Variants in PLEKHM3 observed in about 807,000 individuals in gnomAD.
PLEKHM3 encodes the protein pleckstrin homology domain-containing family M member 3.
PLEKHM3 carries 45 observed loss-of-function variants against 81.8 expected under a neutral mutation model. The observed-to-expected ratio is 0.55, with a 90% CI of 0.43 to 0.71. The LOEUF (loss-of-function observed/expected upper bound fraction) is 0.71, where lower values mean the gene tolerates loss of function less well. PLEKHM3 is among the 30% of genes least tolerant of loss of function. The pLI, the probability that PLEKHM3 is intolerant of heterozygous loss-of-function variation, is 0.00. For synonymous variants in PLEKHM3, 352 were observed against 356.4 expected (o/e 0.99, Z 0.14); for missense variants, 788 against 924.3 (o/e 0.85, Z 1.91).
intron 7 of PLEKHM3, among the ~76,000 whole-genome samples, chr2:207,853,747 G>A (rs1430433072): frequency 2.6e-5 from 4 of 151,798 alleles, no homozygotes; most frequent in African/African-American, 7.3e-5. Flanking sequence ...AAACAAACAA[G>A]TACAAATTGT....
At chr2:207,944,398 T>C (rs1690051524) in intron 4 of PLEKHM3, among the ~76,000 whole-genome samples, 1 of 152,160 alleles carries the variant, frequency 6.6e-6, no homozygotes, top group South Asian at 2.1e-4. Context: ...GAGAAGACCA[T>C]GAATACAGGC....
chr2:207,962,121 G>T (rs954434122), intron 3 of PLEKHM3, among the ~76,000 whole-genome samples: 5 of 152,146 alleles, frequency 3.3e-5, no homozygotes. Context: ...GAGTCATAGT[G>T]GGCCACTAAA....
chr2:208,024,037 G>A (rs1438156958), intron 1 of PLEKHM3, among the ~76,000 whole-genome samples: 1 of 151,956 alleles, frequency 6.6e-6, no homozygotes, highest in African/African-American at 2.4e-5. Flanking sequence ...CAGCCACAAG[G>A]GAGGCTGAGG....
intron 2 of PLEKHM3, among the ~76,000 whole-genome samples, chr2:207,983,994 A>G (rs1691631005): frequency 6.6e-6 from 1 of 152,190 alleles, no homozygotes; most frequent in African/African-American, 2.4e-5. Flanking sequence ...CACTCTTCAC[A>G]GGTTTCTGGG....
chr2:207,858,180 A>ATATATATATATATATT (rs751293954), intron 7 of PLEKHM3, among the ~76,000 whole-genome samples: 3 of 103,844 alleles, frequency 2.9e-5, no homozygotes, highest in African/African-American at 1.1e-4. Flanking sequence ...GTGTGTATAT[A>ATATATATATATATATT]TTTTTTTTTT....
At chr2:208,014,978 T>C (rs939886806) in intron 1 of PLEKHM3, among the ~76,000 whole-genome samples, 1 of 152,260 alleles carries the variant, frequency 6.6e-6, no homozygotes, top group Non-Finnish European at 1.5e-5. Context: ...GGTAGAATGA[T>C]ATATTTGATA....
intron 7 of PLEKHM3, among the ~76,000 whole-genome samples, chr2:207,860,408 C>A (rs2092461602): frequency 6.6e-6 from 1 of 152,014 alleles, no homozygotes; most frequent in Non-Finnish European, 1.5e-5. Context: ...TATAAGTGAG[C>A]CCTGCAGGGT....
Position 207,925,154 on chromosome 2 carries a change from T to G in PLEKHM3, c.1886+5772A>C, listed in dbSNP as rs553827477. Among the ~76,000 whole-genome samples, 19 of 151,684 alleles carry G rather than the reference T, an allele frequency of 1.3e-4. 1 individual carries two copies. The highest frequency in any genetic ancestry group is 7.1e-3 in the Middle Eastern group (2 of 280). On this transcript the variant is annotated intron_variant, in intron 5 of 7. Coordinates refer to ENST00000427836, the MANE Select transcript of PLEKHM3 (RefSeq NM_001080475.3). ...GTTGTTTTTTTGTTTTTTGTTTTTT[T>G]TTTTTAGTGAGAGGGCAGGTAAAAA... is the stretch of plus-strand genomic sequence containing the variant.
intron 1 of PLEKHM3, among the ~76,000 whole-genome samples, chr2:208,013,502 C>A (rs555941755): frequency 6.6e-6 from 1 of 150,774 alleles, no homozygotes; most frequent in East Asian, 1.9e-4. Flanking sequence ...GGCAACAGAG[C>A]AAGACTCCAT....
At position 207,892,206 on chromosome 2, in the gene PLEKHM3, T is replaced by G. The variant is rs913540792; in HGVS notation, c.1950+16308A>C. On this transcript the variant is annotated intron_variant, in intron 6 of 7. Coordinates refer to ENST00000427836, the MANE Select transcript of PLEKHM3 (RefSeq NM_001080475.3). ...ATTGAACCTAGCACTGAACAGATCC[T>G]GGAAAGGCTGTAAAATAGACTCCGT... Among the ~76,000 whole-genome samples, 3 of 152,168 alleles carry G rather than the reference T, an allele frequency of 2.0e-5. 1 individual carries two copies. The South Asian group carries it at 6.2e-4, about 32-fold the overall frequency.
intron 4 of PLEKHM3, among the ~76,000 whole-genome samples, chr2:207,933,711 ACAGCAGC>A (rs1689661792): frequency 6.6e-6 from 1 of 152,358 alleles, no homozygotes; most frequent in South Asian, 2.1e-4. Flanking sequence ...GACAAATGGA[ACAGCAGC>A]CACTGACATC....
chr2:207,842,931 T>C (rs2092362602), intron 7 of PLEKHM3, among the ~76,000 whole-genome samples: 1 of 152,216 alleles, frequency 6.6e-6, no homozygotes, highest in South Asian at 2.1e-4. Flanking sequence ...CATCGAGCTG[T>C]GCTAAGTAAG....
intron 1 of PLEKHM3, among the ~76,000 whole-genome samples, chr2:208,020,711 A>T (rs547006810): frequency 1.3e-5 from 2 of 152,248 alleles, no homozygotes; most frequent in South Asian, 4.1e-4. Context: ...CGCAAGAAGA[A>T]AAAAAAACTC....
intron 3 of PLEKHM3, among the ~76,000 whole-genome samples, chr2:207,949,841 A>G (rs2105975719): frequency 6.6e-6 from 1 of 152,344 alleles, no homozygotes; most frequent in East Asian, 1.9e-4. Context: ...TATATTCCCT[A>G]GTAGGCACTA....
intron 2 of PLEKHM3, among the ~76,000 whole-genome samples, chr2:207,982,321 C>G (rs1295577153): frequency 6.7e-6 from 1 of 150,352 alleles, no homozygotes; most frequent in African/African-American, 2.4e-5. Context: ...CCAGGCTGGA[C>G]AGCAGTGGTA....
chr2:207,944,880 A>AAAC (rs368751038), intron 4 of PLEKHM3, among the ~76,000 whole-genome samples: 51 of 152,302 alleles, frequency 3.3e-4, no homozygotes, highest in African/African-American at 1.2e-3. Flanking sequence ...TTTTCCATTA[A>AAAC]AACAACAACA....
At chr2:207,995,120 C>T (rs1473757572) in intron 2 of PLEKHM3, among the ~76,000 whole-genome samples, 4 of 152,130 alleles carry the variant, frequency 2.6e-5, no homozygotes, top group Non-Finnish European at 4.4e-5. Context: ...GGCATGCTAA[C>T]ATTAAAGAGT....
At chr2:207,943,591 G>A (rs1391318226) in intron 4 of PLEKHM3, among the ~76,000 whole-genome samples, 3 of 151,844 alleles carry the variant, frequency 2.0e-5, no homozygotes, top group African/African-American at 7.3e-5. Flanking sequence ...CATATAGGCC[G>A]GGCGCGGTGG....
chr2:207,916,035 T>C (rs1688982553), intron 5 of PLEKHM3, among the ~76,000 whole-genome samples: 1 of 152,190 alleles, frequency 6.6e-6, no homozygotes, highest in South Asian at 2.1e-4. Flanking sequence ...AGCCATACTC[T>C]GAGCTAATGG....
Sources: gnomAD v4.1 joint callset for allele counts (sites outside exome capture counted in the v4.1 genomes callset) on GRCh38, gnomAD v4.1.1 for gene constraint, MANE v1.5 for transcripts, NCBI Gene and HGNC (gene_info 2026-07-23, HGNC 2026-07-21) for gene names.